The following MAGI1 variants were observed in gnomAD, a reference collection of about 807,000 sequenced individuals.
MAGI1 encodes membrane associated guanylate kinase, WW and PDZ domain containing 1, also known as membrane-associated guanylate kinase, WW and PDZ domain-containing protein 1.
Under a neutral mutation model 139.9 loss-of-function variants are expected in MAGI1, and 58 were observed. The observed-to-expected ratio is 0.41, with a 90% confidence interval of 0.34 to 0.52. The LOEUF (loss-of-function observed/expected upper bound fraction) is 0.52, where lower values mean the gene tolerates loss of function less well. MAGI1 is among the 20% of genes least tolerant of loss of function. The pLI, the probability that MAGI1 is intolerant of heterozygous loss-of-function variation, is 0.12. For missense variants in MAGI1, 1,874 were observed against 1,901.6 expected (o/e 0.99, Z 0.27); for synonymous variants, 812 against 737.9 (o/e 1.10, Z -1.63).
At position 65,595,891 on chromosome 3, in the gene MAGI1, C is replaced by T. The variant is rs149615934; in HGVS notation, c.430+26081G>A. On this transcript the variant is annotated intron_variant, in intron 2 of 22. Transcript: ENST00000402939. ...CCTTTCCCTCTGCCCCATCCCCTTTCCCAAAGCCAAAAGAGGAAAGGCATT... is the reference window on the plus strand; with the variant it reads ...CCTTTCCCTCTGCCCCATCCCCTTTTCCAAAGCCAAAAGAGGAAAGGCATT... Among the ~76,000 whole-genome samples, 768 of 152,180 alleles carry T rather than the reference C, an allele frequency of 5.0e-3. 7 individuals carry two copies. The highest frequency in any genetic ancestry group is 0.018 in the African/African-American group (744 of 41,514).
chr3:65,803,303 G>A (rs962276197), intron 1 of MAGI1, among the ~76,000 whole-genome samples: 3 of 152,118 alleles, frequency 2.0e-5, no homozygotes, highest in African/African-American at 7.2e-5. Context: ...CTGTAATAGA[G>A]ATTGTACATA....
At chr3:65,549,383 C>T (rs1290085556) in intron 2 of MAGI1, 4 of 982,948 alleles carry the variant, frequency 4.1e-6, no homozygotes, top group Non-Finnish European at 4.8e-6. Context: ...GCTGTCACTT[C>T]CAAACCCAAG....
At chr3:65,452,061 C>G (rs1357471157) in intron 6 of MAGI1, among the ~76,000 whole-genome samples, 1 of 152,120 alleles carries the variant, frequency 6.6e-6, no homozygotes, top group Non-Finnish European at 1.5e-5. Flanking sequence ...CCCAAGCATG[C>G]AAAATACCAG....
intron 1 of MAGI1, among the ~76,000 whole-genome samples, chr3:65,871,550 G>A (rs1369200438): frequency 6.6e-6 from 1 of 152,196 alleles, no homozygotes; most frequent in Non-Finnish European, 1.5e-5. Context: ...TTACAGCTTA[G>A]AGGCCAAAGC....
chr3:65,671,500 A>C (rs772144626), intron 1 of MAGI1, among the ~76,000 whole-genome samples: 1 of 152,190 alleles, frequency 6.6e-6, no homozygotes, highest in Non-Finnish European at 1.5e-5. Context: ...CTATAAATTA[A>C]AAGAAAGAAA....
At chr3:65,742,810 T>C (rs1474817305) in intron 1 of MAGI1, among the ~76,000 whole-genome samples, 1 of 152,218 alleles carries the variant, frequency 6.6e-6, no homozygotes, top group East Asian at 1.9e-4. Flanking sequence ...ACCTACAGCA[T>C]TTGTCATACA....
intron 1 of MAGI1, chr3:65,925,100 C>CT: frequency 6.6e-6 from 1 of 152,296 alleles, no homozygotes; most frequent in South Asian, 2.1e-4. Context: ...TCCATGACGA[C>CT]TGTGTCTCTG....
chr3:65,987,589 C>A (rs2065945788), intron 1 of MAGI1, among the ~76,000 whole-genome samples: 3 of 152,026 alleles, frequency 2.0e-5, no homozygotes, highest in Admixed American at 2.0e-4. Flanking sequence ...TCCTGCCTGC[C>A]TGCTTTTCTT....
chr3:65,898,167 C>T (rs2061062193), intron 1 of MAGI1, among the ~76,000 whole-genome samples: 2 of 152,188 alleles, frequency 1.3e-5, no homozygotes, highest in Admixed American at 1.3e-4. Context: ...AAAATCCCTG[C>T]TCAAAAGGAT....
At chr3:66,012,931 G>A (rs796185897) in intron 1 of MAGI1, among the ~76,000 whole-genome samples, 16 of 152,240 alleles carry the variant, frequency 1.1e-4, no homozygotes, top group African/African-American at 3.9e-4. Flanking sequence ...GTTTTACTGG[G>A]AAGCAAAGAA....
At chr3:65,416,120 G>C (rs1258826042) in intron 12 of MAGI1, among the ~76,000 whole-genome samples, 1 of 152,114 alleles carries the variant, frequency 6.6e-6, no homozygotes, top group African/African-American at 2.4e-5. Flanking sequence ...AGCGATTTTT[G>C]AAAACAAATT....
intron 1 of MAGI1, among the ~76,000 whole-genome samples, chr3:65,782,606 T>A (rs1370873424): frequency 7.9e-6 from 1 of 126,522 alleles, no homozygotes; most frequent in African/African-American, 3.1e-5. Flanking sequence ...TATATGGATT[T>A]CTTAAGCAAA....
chr3:65,567,656 C>T (rs893336357), intron 2 of MAGI1, among the ~76,000 whole-genome samples: 3 of 151,794 alleles, frequency 2.0e-5, no homozygotes, highest in Non-Finnish European at 4.4e-5. Context: ...GGCCAACATG[C>T]GAAACCCCAC....
chr3:65,874,369 C>T (rs1197401623), intron 1 of MAGI1: 1 of 152,184 alleles, frequency 6.6e-6, no homozygotes, highest in South Asian at 2.1e-4. Context: ...CTTAAAATCA[C>T]ACATCTGATA....
At chr3:65,886,881 C>A (rs1206530337) in intron 1 of MAGI1, among the ~76,000 whole-genome samples, 1 of 152,172 alleles carries the variant, frequency 6.6e-6, no homozygotes, top group African/African-American at 2.4e-5. Context: ...CAGTATTGAA[C>A]CAGTAAACTA....
In MAGI1 at chr3:65,925,827, G is replaced by A. The variant is rs369913607; in HGVS notation, c.313+112169C>T. Among the ~76,000 whole-genome samples, 33 of 152,090 alleles carry A rather than the reference G, an allele frequency of 2.2e-4. No individual in the cohort carries two copies. The South Asian group carries it at 3.1e-3, about 14-fold the overall frequency. ...CCTGAGTAGCTAGGACTACAGTCACGAGCCACCACACTCTGCCAATTTTTG... is the reference window on the plus strand; with the variant it reads ...CCTGAGTAGCTAGGACTACAGTCACAAGCCACCACACTCTGCCAATTTTTG... On this transcript the variant is annotated intron_variant, in intron 1 of 22. Coordinates refer to ENST00000402939, the MANE Select transcript of MAGI1 (RefSeq NM_001033057.2).
intron 1 of MAGI1, among the ~76,000 whole-genome samples, chr3:65,765,665 G>A (rs1056234820): frequency 6.6e-6 from 1 of 152,174 alleles, no homozygotes; most frequent in South Asian, 2.1e-4. Flanking sequence ...TATTCAACCA[G>A]AGGCTGTATG....
At position 65,468,827 on chromosome 3, in the gene MAGI1, T is replaced by G. The variant is rs185844136; in HGVS notation, c.959+1456A>C. On this transcript the variant is annotated intron_variant, in intron 5 of 22. Transcript: ENST00000402939. Reference sequence around the variant, plus strand: ...GACTCACACCTGTAATCCCAGCGCTTTGGGAGGCTGAGGCAGGAGGATCAC... The same window carrying G: ...GACTCACACCTGTAATCCCAGCGCTGTGGGAGGCTGAGGCAGGAGGATCAC... 4.7e-3 allele frequency among the ~76,000 whole-genome samples: 708 copies of G among 151,948 alleles called. 4 individuals carry two copies. Among genetic ancestry groups the G allele is most frequent in the African/African-American group, 0.016 (658 of 41,444 alleles).
intron 1 of MAGI1, among the ~76,000 whole-genome samples, chr3:65,688,972 G>A (rs1013576551): frequency 1.3e-5 from 2 of 152,268 alleles, no homozygotes; most frequent in Middle Eastern, 3.4e-3. Flanking sequence ...TGGAAAAACA[G>A]ACTGCAAGAG....
Sources: allele counts gnomAD v4.1 joint callset (sites outside exome capture counted in the v4.1 genomes callset), GRCh38; gene constraint gnomAD v4.1.1; transcripts MANE v1.5; gene names NCBI Gene and HGNC (gene_info 2026-07-23, HGNC 2026-07-21).